The following TTLL11 variants were observed in gnomAD, a reference collection of about 807,000 sequenced individuals.
TTLL11 encodes the protein tubulin polyglutamylase TTLL11.
In TTLL11, 42 loss-of-function variants were observed where a neutral mutation model predicts 51.7. That is an observed-to-expected ratio of 0.81 (90% CI 0.64 to 1.05). TTLL11 has a LOEUF of 1.05. TTLL11 is among the 50% of genes least tolerant of loss of function. The pLI is 0.00. For synonymous variants in TTLL11, 381 were observed against 383.5 expected (o/e 0.99, Z 0.08); for missense variants, 799 against 940.4 (o/e 0.85, Z 1.97).
intron 1 of TTLL11, among the ~76,000 whole-genome samples, chr9:122,050,725 G>A (rs1845134888): frequency 6.6e-6 from 1 of 152,078 alleles, no homozygotes; most frequent in Admixed American, 6.6e-5. Context: ...AAAAGACTAC[G>A]GTGTCTGCCT....
chr9:121,976,575 G>A (rs1330019784), intron 4 of TTLL11, among the ~76,000 whole-genome samples: 1 of 152,202 alleles, frequency 6.6e-6, no homozygotes, highest in Non-Finnish European at 1.5e-5. Flanking sequence ...CCCCTTCTCT[G>A]TGGATTCAAG....
chr9:121,938,156 G>A (rs1841301251), intron 6 of TTLL11, among the ~76,000 whole-genome samples: 1 of 152,172 alleles, frequency 6.6e-6, no homozygotes, highest in South Asian at 2.1e-4. Flanking sequence ...GGGCATGGTG[G>A]TGGGCACCTG....
At chr9:121,909,723 AC>A (rs1284997743) in intron 6 of TTLL11, among the ~76,000 whole-genome samples, 1 of 152,076 alleles carries the variant, frequency 6.6e-6, no homozygotes, top group Non-Finnish European at 1.5e-5. Flanking sequence ...CAGACAGCTC[AC>A]TCAGTGCAAG....
chr9:121,833,037 C>T (rs541256967), intron 8 of TTLL11, among the ~76,000 whole-genome samples: 3 of 152,156 alleles, frequency 2.0e-5, no homozygotes, highest in South Asian at 2.1e-4. Context: ...AAAACAATAC[C>T]GGCCTTGCAG....
chr9:122,006,584 TA>T (rs994454122), intron 3 of TTLL11, among the ~76,000 whole-genome samples: 6 of 152,204 alleles, frequency 3.9e-5, no homozygotes, highest in African/African-American at 1.4e-4. Flanking sequence ...TTCTTATATC[TA>T]AACTTATTCA....
At chr9:121,876,428 A>G (rs1311546854) in intron 6 of TTLL11, among the ~76,000 whole-genome samples, 3 of 152,186 alleles carry the variant, frequency 2.0e-5, no homozygotes, top group Admixed American at 6.5e-5. Context: ...TACAAGAGTG[A>G]GGTGGACACA....
intron 6 of TTLL11, among the ~76,000 whole-genome samples, chr9:121,938,746 A>G (rs1368514447): frequency 6.6e-6 from 1 of 151,910 alleles, no homozygotes; most frequent in Non-Finnish European, 1.5e-5. Context: ...TTAAAGCAAT[A>G]TGACACCATT....
At chr9:121,986,034 G>A (rs1240649339) in intron 4 of TTLL11, among the ~76,000 whole-genome samples, 4 of 152,240 alleles carry the variant, frequency 2.6e-5, no homozygotes, top group Non-Finnish European at 5.9e-5. Context: ...CAGCTGGGAA[G>A]AGGAAAAGCG....
At chr9:121,955,776 G>A (rs1205544216) in intron 6 of TTLL11, among the ~76,000 whole-genome samples, 5 of 152,306 alleles carry the variant, frequency 3.3e-5, no homozygotes, top group African/African-American at 1.2e-4. Context: ...AAGATGACCT[G>A]TTCTTGATAA....
intron 6 of TTLL11, among the ~76,000 whole-genome samples, chr9:121,914,113 G>A (rs1480631926): frequency 6.6e-6 from 1 of 152,240 alleles, no homozygotes; most frequent in Non-Finnish European, 1.5e-5. Context: ...GCCTGCTCTT[G>A]TTCTATCCCC....
intron 6 of TTLL11, among the ~76,000 whole-genome samples, chr9:121,948,573 C>T (rs1236325129): frequency 6.6e-6 from 1 of 152,144 alleles, no homozygotes; most frequent in African/African-American, 2.4e-5. Context: ...AAGCATTTAA[C>T]ATCGATCCTT....
In TTLL11 at chr9:121,829,868, GT is replaced by G. The variant is rs370293635; in HGVS notation, c.1841-6990del. Among the ~76,000 whole-genome samples the G allele has an allele frequency of 3.8e-3, 578 of 151,532 alleles. 7 individuals are homozygous for G. The highest frequency in any genetic ancestry group is 0.013 in the African/African-American group (547 of 41,256). ...CCCAACCTAGCCTCTGAGGTCACTG[GT>G]TCTGGGAATCTGTCCTTGACCATCC... is the stretch of plus-strand genomic sequence containing the variant. On this transcript the variant is annotated intron_variant, in intron 8 of 8. Transcript: ENST00000321582.
At position 121,817,003 on chromosome 9, in the gene TTLL11, C is replaced by A. The variant is rs912542416; in HGVS notation, c.*5584G>T. ...TACACACGGTGGTGAATGATCCCTC[C>A]GTGCGAGGAGGACAGCGCTCTCAGC... On this transcript the variant is annotated 3_prime_UTR_variant, in exon 9 of 9. Coordinates refer to ENST00000321582, the MANE Select transcript of TTLL11 (RefSeq NM_001139442.2). 3 of 152,198 alleles carry A rather than the reference C, an allele frequency of 2.0e-5. No homozygotes were observed. The highest frequency in any genetic ancestry group is 4.4e-5 in the Non-Finnish European group (3 of 68,052). The allele number at this position is 152,198 out of a possible 1,614,324, so 9.4% of individuals were successfully genotyped here. A position where few individuals can be genotyped will look rare whatever the true frequency, so the allele number is the denominator to read the frequency against.
chr9:121,998,620 G>A (rs1474729337), intron 3 of TTLL11, among the ~76,000 whole-genome samples: 1 of 151,436 alleles, frequency 6.6e-6, no homozygotes, highest in Non-Finnish European at 1.5e-5. Context: ...GAATATCAAT[G>A]TCTTATTTTG....
rs569901468 is a variant in TTLL11 at position 121,969,847 on chromosome 9, A to C, written c.1481+4162T>G. On this transcript the variant is annotated intron_variant, in intron 6 of 8. Coordinates refer to ENST00000321582, the MANE Select transcript of TTLL11 (RefSeq NM_001139442.2). ...AGCACTACAACACTGTGCAGCATAAATCAGGTAATTTTTCAACTTATTCTG... is the reference window on the plus strand; with the variant it reads ...AGCACTACAACACTGTGCAGCATAACTCAGGTAATTTTTCAACTTATTCTG... Among the ~76,000 whole-genome samples the C allele has an allele frequency of 9.8e-4, 149 of 152,372 alleles. 2 individuals are homozygous for C. In the South Asian group the frequency reaches 0.03, roughly 31 times the overall value.
At chr9:121,840,157 AAATG>A (rs1460576760) in intron 8 of TTLL11, among the ~76,000 whole-genome samples, 1 of 152,166 alleles carries the variant, frequency 6.6e-6, no homozygotes, top group Admixed American at 6.5e-5. Flanking sequence ...TAGTGCACGA[AAATG>A]TTTCTTTCAC....
At chr9:122,024,780 A>G (rs1416318837) in intron 3 of TTLL11, among the ~76,000 whole-genome samples, 5 of 152,208 alleles carry the variant, frequency 3.3e-5, no homozygotes, top group African/African-American at 1.2e-4. Flanking sequence ...AATTAACTCA[A>G]AATGAATCAC....
At chr9:121,929,170 G>A (rs966101563) in intron 6 of TTLL11, among the ~76,000 whole-genome samples, 1 of 152,072 alleles carries the variant, frequency 6.6e-6, no homozygotes, top group Admixed American at 6.5e-5. Flanking sequence ...GGCCGGGCGC[G>A]GTGGCTTATG....
intron 6 of TTLL11, among the ~76,000 whole-genome samples, chr9:121,949,452 T>G (rs1841783322): frequency 6.6e-6 from 1 of 152,242 alleles, no homozygotes; most frequent in Non-Finnish European, 1.5e-5. Context: ...CACCAGTAAC[T>G]ACTGTGAAAT....
Sources: gnomAD v4.1 joint callset for allele counts (sites outside exome capture counted in the v4.1 genomes callset) on GRCh38, gnomAD v4.1.1 for gene constraint, MANE v1.5 for transcripts, NCBI Gene and HGNC (gene_info 2026-07-23, HGNC 2026-07-21) for gene names.